LONP2: variants seen among roughly 807,000 people sequenced by gnomAD.
LONP2 encodes the protein lon protease homolog 2, peroxisomal.
A neutral mutation model predicts 85.6 loss-of-function variants in LONP2; 60 were observed. The ratio of observed to expected loss-of-function variants is 0.70; its 90% confidence interval spans 0.57 to 0.87. The LOEUF is 0.87. Ranked by LOEUF, LONP2 falls within the 40% of genes least tolerant of loss-of-function variation. The pLI is 0.00. For synonymous variants in LONP2, 395 were observed against 389.7 expected (o/e 1.01, Z -0.16); for missense variants, 860 against 1,063.5 (o/e 0.81, Z 2.66).
rs147598782 is a variant in LONP2, at chr16:48,316,475, C to T, written c.1795+13170C>T. Among the ~76,000 whole-genome samples the T allele has an allele frequency of 3.0e-4, 45 of 150,288 alleles. No homozygotes were observed. In the East Asian group the frequency reaches 7.4e-3, roughly 25 times the overall value. On this transcript the variant is annotated intron_variant, in intron 11 of 14. Coordinates refer to ENST00000285737, the MANE Select transcript of LONP2 (RefSeq NM_031490.5). ...CCGAGTAGCTGGGATTACAGGCGCC[C>T]GCCACCACACCCGACCAATTTTTGT...
rs377323011 is a variant in LONP2 at position 48,293,877 on chromosome 16, A to G, written c.1384-2138A>G. ...AAAAGAAGAGCGTTTTTGTCACTAG[A>G]TGATAGTTTTAACTATTTTCCATAC... On this transcript the variant is annotated intron_variant, in intron 8 of 14. Coordinates refer to ENST00000285737, the MANE Select transcript of LONP2 (RefSeq NM_031490.5). 9.8e-3 allele frequency among the ~76,000 whole-genome samples: 1,496 copies of G among 152,282 alleles called. 195 individuals are homozygous for G. In the South Asian group the frequency reaches 0.27, roughly 28 times the overall value.
At chr16:48,359,376 G>A (rs1960490856), downstream of LONP2, among the ~76,000 whole-genome samples, 1 of 152,162 alleles carries the variant, frequency 6.6e-6, no homozygotes, top group African/African-American at 2.4e-5. Context: ...ACATGCTAAT[G>A]AACAGACTTG....
intron 2 of LONP2, among the ~76,000 whole-genome samples, chr16:48,256,280 C>T (rs1054045145): frequency 2.0e-5 from 3 of 152,174 alleles, no homozygotes; most frequent in African/African-American, 7.2e-5. Context: ...GAAGGATGTA[C>T]AGGAGTTATT....
Position 48,296,087 on chromosome 16 carries a change from CTTT to C in LONP2, c.1459_1461del (p.Phe487del), listed in dbSNP as rs1972663698. ...TGTGGCCTTTGACCTTTCTCAAGTT[CTTT>C]TTATAGCTACTGCCAACACCACTGC... On this transcript the variant is annotated inframe_deletion, in exon 9 of 15. Coordinates refer to ENST00000285737, the MANE Select transcript of LONP2 (RefSeq NM_031490.5). 1.2e-6 allele frequency: 2 copies of C among 1,614,014 alleles called. No individual in the cohort carries two copies. Among genetic ancestry groups the C allele is most frequent in the Non-Finnish European group, 1.7e-6 (2 of 1,180,020 alleles).
chr16:48,250,167 G>A (rs1227833446), intron 1 of LONP2, among the ~76,000 whole-genome samples: 1 of 151,594 alleles, frequency 6.6e-6, no homozygotes, highest in Non-Finnish European at 1.5e-5. Flanking sequence ...GTCAGGCTGG[G>A]CGACAGGGTG....
intron 11 of LONP2, among the ~76,000 whole-genome samples, chr16:48,327,231 T>C (rs1350139067): frequency 6.6e-6 from 1 of 152,148 alleles, no homozygotes; most frequent in African/African-American, 2.4e-5. Flanking sequence ...CTATTAAAGG[T>C]ATTAATAGGC....
chr16:48,249,288 A>G (rs1971559929), intron 1 of LONP2, among the ~76,000 whole-genome samples: 1 of 152,230 alleles, frequency 6.6e-6, no homozygotes, highest in African/African-American at 2.4e-5. Context: ...ATTGGGATGT[A>G]TAAGTTTGGA....
At chr16:48,295,681 G>A (rs1972653632) in intron 8 of LONP2, among the ~76,000 whole-genome samples, 1 of 152,196 alleles carries the variant, frequency 6.6e-6, no homozygotes, top group South Asian at 2.1e-4. Flanking sequence ...GTGTTACCAA[G>A]ATGGAAACTG....
chr16:48,277,458 T>G lies in LONP2; in HGVS notation c.1362T>G (p.Asp454Glu). 1 of 1,613,758 alleles carries G rather than the reference T, an allele frequency of 6.2e-7. No individual in the cohort carries two copies. The highest frequency in any genetic ancestry group is 1.1e-5 in the South Asian group (1 of 91,054). The stretch of plus-strand genomic sequence containing the variant: ...AACTGGGAAAAAGTCTACAGGGTGA[T>G]CCAGCAGCAGCTCTGCTTGAGGTAA... ...VDKLGKSLQGDPAAALLEVLD... is the reference protein window; with the variant it reads ...VDKLGKSLQGEPAAALLEVLD... The change falls in exon 8 of 15, where the codon GAT becomes GAG. Residue 454 changes from aspartate to glutamate, a missense_variant. This residue lies in a region of LONP2 where 743 missense variants were observed against 917.3 expected (regional missense o/e 0.81). Transcript: ENST00000285737.
At chr16:48,254,315 T>C (rs2150964145) in intron 2 of LONP2, among the ~76,000 whole-genome samples, 1 of 152,020 alleles carries the variant, frequency 6.6e-6, no homozygotes, top group African/African-American at 2.4e-5. Context: ...ATTTTATGTC[T>C]CTATGATTCT....
At chr16:48,315,550 A>AG (rs1297401137) in intron 11 of LONP2, among the ~76,000 whole-genome samples, 1 of 152,220 alleles carries the variant, frequency 6.6e-6, no homozygotes, top group East Asian at 1.9e-4. Flanking sequence ...CAGAATCTTC[A>AG]GGAACCTAAG....
intron 8 of LONP2, among the ~76,000 whole-genome samples, chr16:48,288,972 A>G (rs1163284458): frequency 1.3e-5 from 2 of 152,202 alleles, no homozygotes; most frequent in East Asian, 3.8e-4. Flanking sequence ...TTTTCAATGA[A>G]AGCACTGTGT....
intron 13 of LONP2, 106 bp downstream of exon 13, chr16:48,347,820 C>A: frequency 9.1e-7 from 1 of 1,102,158 alleles, no homozygotes. Flanking sequence ...TAGCAAAGTA[C>A]ACACCGTTTT....
intron 9 of LONP2, among the ~76,000 whole-genome samples, chr16:48,296,467 C>T (rs1051769362): frequency 2.6e-5 from 4 of 152,144 alleles, no homozygotes; most frequent in African/African-American, 9.7e-5. Flanking sequence ...GTGGCTCACA[C>T]CTGTCATCCC....
chr16:48,275,104 T>G (rs1053215139), intron 7 of LONP2, among the ~76,000 whole-genome samples: 2 of 152,142 alleles, frequency 1.3e-5, no homozygotes, highest in Non-Finnish European at 2.9e-5. Flanking sequence ...GAAGTAAACT[T>G]TAAGTAGCTG....
chr16:48,266,022 GACAGGAGTTTC>G (rs1049577388), intron 6 of LONP2, among the ~76,000 whole-genome samples: 5 of 151,314 alleles, frequency 3.3e-5, no homozygotes, highest in Non-Finnish European at 5.9e-5. Context: ...TTATTTTTTT[GACAGGAGTTTC>G]ACTCTTGTCG....
intron 12 of LONP2, among the ~76,000 whole-genome samples, chr16:48,336,842 C>T (rs1959664335): frequency 1.3e-5 from 2 of 152,282 alleles, no homozygotes; most frequent in East Asian, 3.9e-4. Flanking sequence ...AGCTTGGGCT[C>T]AGAGGCCTGA....
At chr16:48,271,617 T>G (rs1236452757) in intron 7 of LONP2, among the ~76,000 whole-genome samples, 1 of 152,164 alleles carries the variant, frequency 6.6e-6, no homozygotes, top group Non-Finnish European at 1.5e-5. Flanking sequence ...GTGTAGTAGC[T>G]CATGCCTGTA....
At chr16:48,308,195 A>G (rs1972952661) in intron 11 of LONP2, among the ~76,000 whole-genome samples, 2 of 152,356 alleles carry the variant, frequency 1.3e-5, no homozygotes, top group East Asian at 1.9e-4. Context: ...ACAAATCTAC[A>G]GCCAACTGAT....
Sources: allele counts gnomAD v4.1 joint callset (sites outside exome capture counted in the v4.1 genomes callset), GRCh38; gene constraint gnomAD v4.1.1; regional missense constraint gnomAD v4.1.1; transcripts MANE v1.5; gene names NCBI Gene and HGNC (gene_info 2026-07-23, HGNC 2026-07-21).